ACSM2A: variants seen among roughly 807,000 people sequenced by gnomAD.
ACSM2A encodes the protein acyl-CoA synthetase medium chain family member 2A.
Under a neutral mutation model 76.6 loss-of-function variants are expected in ACSM2A, and 72 were observed. The ratio of observed to expected loss-of-function variants is 0.94; its 90% CI spans 0.78 to 1.14. The LOEUF (loss-of-function observed/expected upper bound fraction) is 1.14, where lower values mean the gene tolerates loss of function less well. ACSM2A is among the 50% of genes most tolerant of loss of function. The pLI is 0.00. For missense variants in ACSM2A, 684 were observed against 708.5 expected, an observed-to-expected ratio of 0.97 and a Z score of 0.39; for synonymous variants, 249 against 255.9, an observed-to-expected ratio of 0.97 and a Z score of 0.26.
chr16:20,474,160 C>T, intron 6 of ACSM2A: 3 of 379,812 alleles, frequency 7.9e-6, no homozygotes, highest in South Asian at 6.2e-5. Context: ...CTCAGGACAT[C>T]CTGAGGGCTC....
At chr16:20,468,594 T>C (rs1567364284) in intron 3 of ACSM2A, among the ~76,000 whole-genome samples, 1 of 152,118 alleles carries the variant, frequency 6.6e-6, no homozygotes, top group Non-Finnish European at 1.5e-5. Flanking sequence ...TCTTGACCTC[T>C]AATAATCCAC....
At chr16:20,463,115 C>T (rs10163426) in intron 2 of ACSM2A, among the ~76,000 whole-genome samples, 119,290 of 139,838 alleles carry the variant, frequency 0.85, 51,118 homozygotes, top group African/African-American at 0.93. Flanking sequence ...TAACATTAGG[C>T]GATATACCTA....
rs929187698 is a variant in ACSM2A, at chr16:20,487,431, T to C, written c.*753T>C. The C allele has an allele frequency of 6.6e-6, 1 of 152,200 alleles. No individual in the cohort carries two copies. The highest frequency in any genetic ancestry group is 2.4e-5 in the African/African-American group (1 of 41,420). 9.4% of individuals were successfully genotyped at this position (152,200 alleles called of 1,614,324 possible). On this transcript the variant is annotated 3_prime_UTR_variant, in exon 14 of 14. Coordinates refer to ENST00000573854, the MANE Select transcript of ACSM2A (RefSeq NM_001308172.2). ...AATCATCCACAAGTCACCCCAAACCTTGGAACTGTCAGGGTCAGAGGGGAA... is the reference window on the plus strand; with the variant it reads ...AATCATCCACAAGTCACCCCAAACCCTGGAACTGTCAGGGTCAGAGGGGAA...
chr16:20,458,916 A>ATATATATATAGTG (rs2012416457), intron 1 of ACSM2A, among the ~76,000 whole-genome samples: 1 of 59,162 alleles, frequency 1.7e-5, no homozygotes, highest in Admixed American at 1.6e-4. Context: ...ATATATATAT[A>ATATATATATAGTG]TATATATATA....
intron 2 of ACSM2A, among the ~76,000 whole-genome samples, chr16:20,463,884 A>G (rs542882633): frequency 6.6e-6 from 1 of 152,156 alleles, no homozygotes; most frequent in Non-Finnish European, 1.5e-5. Flanking sequence ...ATTGTTATGT[A>G]TATGCAACAT....
rs1229671464 is a variant in ACSM2A, at chr16:20,486,781, CATGAAT to C, written c.*106_*111del. The C allele has an allele frequency of 7.3e-6, 10 of 1,378,736 alleles. No individual in the cohort carries two copies. Among genetic ancestry groups the C allele is most frequent in the Admixed American group, 1.9e-5 (1 of 51,616 alleles). 85.4% of individuals were successfully genotyped at this position (1,378,736 alleles called of 1,614,324 possible). On this transcript the variant is annotated 3_prime_UTR_variant, in exon 14 of 14. Transcript: ENST00000573854. The stretch of plus-strand genomic sequence containing the variant: ...TTATATGAGATTCTTTATGGAAGAA[CATGAAT>C]ATAAGTTTTGTCTTGCCTTGGTTAT...
chr16:20,468,209 T>A (rs2013134191), intron 3 of ACSM2A, among the ~76,000 whole-genome samples: 1 of 151,984 alleles, frequency 6.6e-6, no homozygotes, highest in Non-Finnish European at 1.5e-5. Context: ...GCCACCATGG[T>A]AGAGAAACAT....
rs764852809 is a variant in ACSM2A at position 20,465,566 on chromosome 16, G to C, written c.227G>C (p.Gly76Ala). The change falls in exon 3 of 14, where the codon GGG becomes GCG. Residue 76 changes from glycine to alanine, a missense_variant. Physicochemically the swap from Gly to Ala is moderately conservative, Grantham distance 60 (BLOSUM62 0). Coordinates refer to ENST00000573854, the MANE Select transcript of ACSM2A (RefSeq NM_001308172.2). The part of the protein sequence containing the change: ...SPALWWVNGK[G>A]KELMWNFREL... ...GCCCTGTGGTGGGTGAATGGGAAGG[G>C]GAAGGAATTAATGTGGAATTTCAGA... 1.2e-6 allele frequency: 2 copies of C among 1,613,972 alleles called. No homozygotes were observed. The highest frequency in any genetic ancestry group is 1.7e-6 in the Non-Finnish European group (2 of 1,179,874).
intron 3 of ACSM2A, 118 bp downstream of exon 3, chr16:20,465,845 C>T: frequency 6.9e-7 from 1 of 1,446,008 alleles, no homozygotes; most frequent in Non-Finnish European, 9.1e-7. Context: ...TGTCCTGTAT[C>T]ATATGAAGAA....
In ACSM2A at chr16:20,469,512, G is replaced by A. The variant is rs1031618179; in HGVS notation, c.389G>A (p.Gly130Asp). The stretch of plus-strand genomic sequence containing the variant: ...TTCTCTAAATTGTTGGCTTCTTTAG[G>A]TCTCATCTTTATGCCTGGAACCATC... Reference protein sequence around the residue: ...WLVILGCIRAGLIFMPGTIQM... With the variant: ...WLVILGCIRADLIFMPGTIQM... Residue 130 changes from glycine (G) to aspartate (D), a missense_variant and splice_region_variant, in exon 4 of 14, where the codon GGT becomes GAT. By Grantham distance (94) the Gly-to-Asp change is moderately conservative. Coordinates refer to ENST00000573854, the MANE Select transcript of ACSM2A (RefSeq NM_001308172.2). The A allele has an allele frequency of 4.3e-6, 7 of 1,611,908 alleles. No homozygotes were observed. The African/African-American group carries it at 5.4e-5, about 12-fold the overall frequency.
intron 9 of ACSM2A, among the ~76,000 whole-genome samples, 178 bp downstream of exon 9, chr16:20,477,627 A>G (rs555040713): frequency 1.6e-4 from 24 of 152,196 alleles, no homozygotes; most frequent in Non-Finnish European, 1.5e-4. Flanking sequence ...GAAGGAGGAA[A>G]AGGGGAAATG....
intron 3 of ACSM2A, among the ~76,000 whole-genome samples, 200 bp downstream of exon 3, chr16:20,465,927 T>A (rs2012968965): frequency 1.3e-5 from 2 of 152,104 alleles, no homozygotes; most frequent in African/African-American, 2.4e-5. Flanking sequence ...ACAACAACAA[T>A]GACATAGTTT....
At chr16:20,477,158 T>C in intron 8 of ACSM2A, 1 of 781,108 alleles carries the variant, frequency 1.3e-6, no homozygotes, top group Non-Finnish European at 1.8e-6. Flanking sequence ...GAGTGGTAGA[T>C]GGGTTGCTTC....
intron 1 of ACSM2A, among the ~76,000 whole-genome samples, chr16:20,458,227 G>C (rs1051385169): frequency 6.6e-5 from 10 of 150,708 alleles, no homozygotes; most frequent in African/African-American, 2.4e-4. Context: ...TGACTATATT[G>C]CCAAAAGCAA....
intron 12 of ACSM2A, 97 bp from the exon 13 acceptor site, chr16:20,482,961 T>TA: frequency 6.5e-7 from 1 of 1,546,504 alleles, no homozygotes; most frequent in Non-Finnish European, 8.8e-7. Flanking sequence ...AATGAGGAGA[T>TA]ACAAGGGTGA....
chr16:20,468,786 A>G (rs2013179467), intron 3 of ACSM2A, among the ~76,000 whole-genome samples: 1 of 152,376 alleles, frequency 6.6e-6, no homozygotes, highest in African/African-American at 2.4e-5. Context: ...GCAAGGAATA[A>G]GTCTAATGTT....
chr16:20,460,824 G>A (rs2012578218), intron 2 of ACSM2A, among the ~76,000 whole-genome samples: 1 of 127,856 alleles, frequency 7.8e-6, no homozygotes, highest in South Asian at 2.8e-4. Context: ...ACTCCACAGA[G>A]TGAGATTCTC....
At position 20,475,400 on chromosome 16, in the gene ACSM2A, C is replaced by T. The variant is rs771898336; in HGVS notation, c.933C>T (p.Ala311=). Residue 311 remains alanine, a synonymous_variant, in exon 7 of 14, where the codon GCC becomes GCT. Coordinates refer to ENST00000573854, the MANE Select transcript of ACSM2A (RefSeq NM_001308172.2). ...SSYPIKSMMG[A]PIVYRMLLQQ... is the part of the protein sequence containing the mutation. ...ATCCAATCAAGAGTATGATGGGTGC[C>T]CCCATTGTTTACCGGATGTTGCTAC... The T allele has an allele frequency of 2.5e-6, 4 of 1,613,648 alleles. No homozygotes were observed. Among genetic ancestry groups the T allele is most frequent in the East Asian group, 2.2e-5 (1 of 44,890 alleles).
intron 13 of ACSM2A, among the ~76,000 whole-genome samples, chr16:20,486,077 A>G (rs2014369753): frequency 6.6e-6 from 1 of 152,218 alleles, no homozygotes; most frequent in Non-Finnish European, 1.5e-5. Flanking sequence ...ATGTCTAAAG[A>G]CCTCAGATTA....
Sources: gnomAD v4.1 joint callset for allele counts (sites outside exome capture counted in the v4.1 genomes callset) on GRCh38, gnomAD v4.1.1 for gene constraint, MANE v1.5 for transcripts, NCBI Gene and HGNC (gene_info 2026-07-23, HGNC 2026-07-21) for gene names.